The following SDHAF4 variants were observed in gnomAD, a reference collection of about 807,000 sequenced individuals.
SDHAF4 encodes the protein succinate dehydrogenase assembly factor 4, mitochondrial.
Under a neutral mutation model 14.3 loss-of-function variants are expected in SDHAF4, and 14 were observed. The observed-to-expected ratio is 0.98, with a 90% CI of 0.65 to 1.53. SDHAF4 has a LOEUF of 1.53. SDHAF4 is among the 40% of genes most tolerant of loss of function. The probability of loss-of-function intolerance (pLI) is 0.00; values close to 1 mark genes in which losing one functional copy is unlikely to be tolerated. For missense variants in SDHAF4, 141 were observed against 129.3 expected, an observed-to-expected ratio of 1.09 and a Z score of -0.44; for synonymous variants, 63 against 47.3, an observed-to-expected ratio of 1.33 and a Z score of -1.36.
chr6:70,597,880 G>A, the SDHAF4 span, among the ~76,000 whole-genome samples: 1 of 152,206 alleles, frequency 6.6e-6, no homozygotes, highest in Non-Finnish European at 1.5e-5. Context: ...CCTGGTCCAA[G>A]AAGAGCATTT....
chr6:70,583,520 A>G (rs1388323551), intron 2 of SDHAF4, among the ~76,000 whole-genome samples: 1 of 152,226 alleles, frequency 6.6e-6, no homozygotes, highest in East Asian at 1.9e-4. Context: ...ATTAACACTT[A>G]CAAGACACAG....
intron 1 of SDHAF4, 142 bp from the exon 2 acceptor site, chr6:70,579,272 T>C (rs1802292011): frequency 8.0e-6 from 5 of 628,432 alleles, no homozygotes; most frequent in Non-Finnish European, 1.2e-5. Flanking sequence ...GAAGGAAGAA[T>C]TTTCACTCTG....
At chr6:70,581,956 G>C (rs1765136990) in intron 2 of SDHAF4, among the ~76,000 whole-genome samples, 1 of 151,962 alleles carries the variant, frequency 6.6e-6, no homozygotes, top group Non-Finnish European at 1.5e-5. Flanking sequence ...TTCTTCCTGG[G>C]CTCCTTTTTG....
chr6:70,591,317 G>A (rs1172761415), downstream of SDHAF4, among the ~76,000 whole-genome samples: 2 of 150,636 alleles, frequency 1.3e-5, no homozygotes, highest in South Asian at 2.1e-4. Context: ...AAGTCTCTAG[G>A]CGTTGTGAGA....
chr6:70,573,493 A>G (rs1277955048), intron 1 of SDHAF4, among the ~76,000 whole-genome samples: 1 of 150,878 alleles, frequency 6.6e-6, no homozygotes, highest in Non-Finnish European at 1.5e-5. Context: ...TGAACCCCTG[A>G]CCTCAGGTGA....
At chr6:70,590,632 A>G (rs1014826113), downstream of SDHAF4, among the ~76,000 whole-genome samples, 6 of 152,210 alleles carry the variant, frequency 3.9e-5, no homozygotes, top group African/African-American at 1.4e-4. Context: ...AGCCATTTCA[A>G]CAATTTCCTT....
chr6:70,574,329 G>GA (rs113017217), intron 1 of SDHAF4, among the ~76,000 whole-genome samples: 7,651 of 143,568 alleles, frequency 0.053, 382 homozygotes, highest in African/African-American at 0.12. Flanking sequence ...CAAAAAAAAA[G>GA]AAAAAAAAAA....
chr6:70,586,491 G>T (rs1394917510), intron 2 of SDHAF4, among the ~76,000 whole-genome samples: 2 of 148,656 alleles, frequency 1.3e-5, no homozygotes, highest in Non-Finnish European at 1.5e-5. Flanking sequence ...GAGGGAAGGG[G>T]CCTTCTATTG....
intron 1 of SDHAF4, among the ~76,000 whole-genome samples, chr6:70,568,363 C>T (rs1802131717): frequency 6.6e-6 from 1 of 152,184 alleles, no homozygotes; most frequent in Non-Finnish European, 1.5e-5. Flanking sequence ...CAACCAGCAT[C>T]TATGAACTTA....
downstream of SDHAF4, among the ~76,000 whole-genome samples, chr6:70,592,633 C>T (rs560711006): frequency 1.6e-3 from 241 of 152,226 alleles, 4 homozygotes; most frequent in South Asian, 0.048. Context: ...GAATATTTGA[C>T]GGAAGAAATA....
the SDHAF4 span, chr6:70,596,353 G>A: frequency 6.6e-6 from 1 of 152,142 alleles, no homozygotes; most frequent in Non-Finnish European, 1.5e-5. Flanking sequence ...CCATTAGATT[G>A]CCCAGAATTT....
intron 1 of SDHAF4, among the ~76,000 whole-genome samples, chr6:70,567,959 A>G (rs924811372): frequency 2.6e-5 from 4 of 152,214 alleles, no homozygotes; most frequent in African/African-American, 9.6e-5. Context: ...TGCTGGGATT[A>G]CAGGCGTGAG....
At chr6:70,598,351 C>T in the SDHAF4 span, among the ~76,000 whole-genome samples, 62,280 of 151,824 alleles carry the variant, frequency 0.41, 13,432 homozygotes, top group African/African-American at 0.52. Flanking sequence ...TGCACTCCAG[C>T]GTGGGCAACA....
intron 2 of SDHAF4, among the ~76,000 whole-genome samples, chr6:70,584,391 A>C (rs979199967): frequency 3.3e-5 from 5 of 152,172 alleles, no homozygotes; most frequent in Non-Finnish European, 1.5e-5. Context: ...AAGAGGTACA[A>C]GGCAGTTCAT....
At chr6:70,592,737 A>C (rs1765268822), downstream of SDHAF4, among the ~76,000 whole-genome samples, 1 of 152,260 alleles carries the variant, frequency 6.6e-6, no homozygotes, top group Non-Finnish European at 1.5e-5. Context: ...GACAGAAATC[A>C]TAATCAAAAG....
At chr6:70,576,360 C>T (rs184575390) in intron 1 of SDHAF4, among the ~76,000 whole-genome samples, 185 of 152,340 alleles carry the variant, frequency 1.2e-3, no homozygotes, top group African/African-American at 4.3e-3. Context: ...AACCCTCTTT[C>T]TACAGATAAA....
chr6:70,588,072 CA>C (rs1171093982), intron 2 of SDHAF4, among the ~76,000 whole-genome samples: 1 of 152,194 alleles, frequency 6.6e-6, no homozygotes, highest in Non-Finnish European at 1.5e-5. Flanking sequence ...GTGACTCCTT[CA>C]AAGTAATCTT....
chr6:70,583,193 A>C (rs1421416346), intron 2 of SDHAF4, among the ~76,000 whole-genome samples: 1 of 152,102 alleles, frequency 6.6e-6, no homozygotes, highest in African/African-American at 2.4e-5. Context: ...GCTCACCGCA[A>C]CCTCCGCCTC....
At position 70,568,005 on chromosome 6, in the gene SDHAF4, T is replaced by C. The variant is rs139657494; in HGVS notation, c.64+1001T>C. ...CGGTCCGCAAAACATAATTTTAATA[T>C]ATGACACCTGGAGAAGTTATGTAAG... On this transcript the variant is annotated intron_variant, in intron 1 of 2. Coordinates refer to ENST00000370474, the MANE Select transcript of SDHAF4 (RefSeq NM_145267.3). Among the ~76,000 whole-genome samples the C allele has an allele frequency of 4.1e-3, 626 of 152,320 alleles. 9 individuals are homozygous for C. Among genetic ancestry groups the C allele is most frequent in the African/African-American group, 0.015 (605 of 41,560 alleles).
Sources: allele counts gnomAD v4.1 joint callset (sites outside exome capture counted in the v4.1 genomes callset), GRCh38; gene constraint gnomAD v4.1.1; transcripts MANE v1.5; gene names NCBI Gene and HGNC (gene_info 2026-07-23, HGNC 2026-07-21).